KIAA0319: variants seen among roughly 807,000 people sequenced by gnomAD.
The protein encoded by KIAA0319 is dyslexia-associated protein KIAA0319.
In KIAA0319, 83 loss-of-function variants were observed where a neutral mutation model predicts 108.4. The observed-to-expected ratio is 0.77, with a 90% CI of 0.64 to 0.92. The LOEUF (loss-of-function observed/expected upper bound fraction) is 0.92. Ranked by LOEUF, KIAA0319 falls within the 40% of genes least tolerant of loss-of-function variation. The pLI, the probability that KIAA0319 is intolerant of heterozygous loss-of-function variation, is 0.00. For missense variants in KIAA0319, 1,195 were observed against 1,322.4 expected (o/e 0.90, Z 1.49); for synonymous variants, 484 against 510.4 (o/e 0.95, Z 0.70).
intron 11 of KIAA0319, among the ~76,000 whole-genome samples, chr6:24,570,531 T>G (rs1479844438): frequency 1.3e-5 from 2 of 149,536 alleles, no homozygotes; most frequent in Non-Finnish European, 3.0e-5. Flanking sequence ...GAGCTTGCAG[T>G]GAGCCAAGAT....
chr6:24,624,043 T>TTTAA (rs1562091062), intron 1 of KIAA0319, among the ~76,000 whole-genome samples: 1 of 144,470 alleles, frequency 6.9e-6, no homozygotes, highest in African/African-American at 2.6e-5. Context: ...TTTTTTTTTT[T>TTTAA]AGACAAGGTC....
In KIAA0319 at chr6:24,583,640, C is replaced by T. The variant is rs1381994528; in HGVS notation, c.1057G>A (p.Glu353Lys). 6.2e-7 allele frequency: 1 copy of T among 1,613,904 alleles called. No homozygotes were observed. The highest frequency in any genetic ancestry group is 8.5e-7 in the Non-Finnish European group (1 of 1,179,878). Residue 353 changes from glutamate (E) to lysine (K), a missense_variant, in exon 5 of 21, where the codon GAA becomes AAA. Transcript: ENST00000378214. Reference protein sequence around the residue: ...LIITLPDNEVELKAFVAPAPP... With the variant: ...LIITLPDNEVKLKAFVAPAPP... ...GCTGGCGCAACAAAGGCCTTCAGTT[C>T]AACTTCATTGTCGGGTAAAGTTATA...
chr6:24,636,047 G>A (rs1333979290), intron 1 of KIAA0319, among the ~76,000 whole-genome samples: 1 of 152,202 alleles, frequency 6.6e-6, no homozygotes, highest in Non-Finnish European at 1.5e-5. Flanking sequence ...ACAAAGGGAA[G>A]AAAGATTGCC....
intron 4 of KIAA0319, among the ~76,000 whole-genome samples, chr6:24,584,544 C>G (rs572200271): frequency 6.1e-4 from 92 of 151,876 alleles, no homozygotes; most frequent in African/African-American, 2.1e-3. Context: ...CTCAGTCCCT[C>G]GAGTGCCTCC....
intron 1 of KIAA0319, among the ~76,000 whole-genome samples, chr6:24,641,340 G>T (rs1287608628): frequency 6.6e-6 from 1 of 152,214 alleles, no homozygotes; most frequent in South Asian, 2.1e-4. Flanking sequence ...ATAACCAGGG[G>T]AGTAATGTGT....
intron 1 of KIAA0319, among the ~76,000 whole-genome samples, chr6:24,635,688 G>A (rs1485304000): frequency 6.6e-6 from 1 of 152,154 alleles, no homozygotes; most frequent in Non-Finnish European, 1.5e-5. Flanking sequence ...AATAAATGGG[G>A]ACATCAGTCC....
At chr6:24,586,490 C>T (rs1254881409) in intron 4 of KIAA0319, among the ~76,000 whole-genome samples, 2 of 152,174 alleles carry the variant, frequency 1.3e-5, no homozygotes, top group African/African-American at 4.8e-5. Flanking sequence ...GATCCACATC[C>T]ATAGAGAAGG....
intron 2 of KIAA0319, among the ~76,000 whole-genome samples, chr6:24,596,871 C>T (rs1163215138): frequency 6.6e-6 from 1 of 152,064 alleles, no homozygotes; most frequent in Non-Finnish European, 1.5e-5. Flanking sequence ...GTCTTTCCTC[C>T]TATCTTTCCA....
intron 2 of KIAA0319, chr6:24,598,031 A>G (rs1769995709): frequency 7.0e-6 from 2 of 283,726 alleles, no homozygotes; most frequent in East Asian, 8.3e-5. Flanking sequence ...AAGGTGACCC[A>G]TAAGTCCTAC....
chr6:24,594,288 A>G (rs1470814551), intron 3 of KIAA0319, among the ~76,000 whole-genome samples: 1 of 150,918 alleles, frequency 6.6e-6, no homozygotes, highest in East Asian at 2.0e-4. Flanking sequence ...GGAAAAATAT[A>G]GACACTTCAA....
intron 6 of KIAA0319, among the ~76,000 whole-genome samples, chr6:24,581,725 CA>C (rs1766569181): frequency 6.6e-6 from 1 of 152,180 alleles, no homozygotes; most frequent in Non-Finnish European, 1.5e-5. Flanking sequence ...CTCTTTTCCC[CA>C]AACTGAGATA....
intron 1 of KIAA0319, among the ~76,000 whole-genome samples, chr6:24,618,449 A>T (rs1480046599): frequency 2.0e-5 from 3 of 151,990 alleles, no homozygotes; most frequent in Non-Finnish European, 4.4e-5. Flanking sequence ...TCTCTATTAA[A>T]ACTTAAAAAA....
chr6:24,571,679 A>C (rs999585396), intron 11 of KIAA0319, among the ~76,000 whole-genome samples: 1 of 152,068 alleles, frequency 6.6e-6, no homozygotes, highest in Non-Finnish European at 1.5e-5. Context: ...AAATCTTCGA[A>C]TGTACCAGAC....
At chr6:24,562,846 A>AAAAAT (rs1461389300) in intron 16 of KIAA0319, among the ~76,000 whole-genome samples, 1 of 152,220 alleles carries the variant, frequency 6.6e-6, no homozygotes, top group Non-Finnish European at 1.5e-5. Flanking sequence ...CTCAAAAAAT[A>AAAAAT]AAAATAAAAT....
chr6:24,563,363 G>A lies in KIAA0319; in HGVS notation c.2587C>T (p.Leu863Phe). ...CCTTGAGTGTGCAGCTCCTACCTGAGATCCGAGTGGGCCCGAATCTTCTGG... is the reference window on the plus strand; with the variant it reads ...CCTTGAGTGTGCAGCTCCTACCTGAAATCCGAGTGGGCCCGAATCTTCTGG... Reference protein sequence around the residue: ...KVQKIRAHSDLSTVIVFYVQS... With the variant: ...KVQKIRAHSDFSTVIVFYVQS... The change falls in exon 16 of 21, where the codon CTC (leucine) becomes TTC (phenylalanine). Residue 863 changes from leucine to phenylalanine, a missense_variant. Coordinates refer to ENST00000378214, the MANE Select transcript of KIAA0319 (RefSeq NM_014809.4). 6.2e-7 allele frequency: 1 copy of A among 1,612,116 alleles called. No individual in the cohort carries two copies. The highest frequency in any genetic ancestry group is 8.5e-7 in the Non-Finnish European group (1 of 1,179,024).
chr6:24,563,099 C>A (rs1287060713), intron 16 of KIAA0319, among the ~76,000 whole-genome samples: 1 of 152,206 alleles, frequency 6.6e-6, no homozygotes, highest in Non-Finnish European at 1.5e-5. Flanking sequence ...GAGCTAACAA[C>A]CGTCTCCCCT....
chr6:24,628,736 T>C (rs1775074662), intron 1 of KIAA0319, among the ~76,000 whole-genome samples: 1 of 152,162 alleles, frequency 6.6e-6, no homozygotes, highest in African/African-American at 2.4e-5. Flanking sequence ...TGTCCCTTCC[T>C]AGCTTCTGAT....
intron 3 of KIAA0319, 21 bp downstream of exon 3, chr6:24,595,852 G>A: frequency 1.3e-6 from 2 of 1,566,584 alleles, no homozygotes; most frequent in Non-Finnish European, 1.7e-6. Context: ...CCACCCCCAA[G>A]CACATCCTGA....
chr6:24,646,064 G>C lies in KIAA0319; in HGVS notation c.-434C>G, dbSNP rs776956033. The C allele has an allele frequency of 6.5e-6, 1 of 152,710 alleles. No individual in the cohort carries two copies. The highest frequency in any genetic ancestry group is 1.5e-5 in the Non-Finnish European group (1 of 68,494). 9.5% of individuals were successfully genotyped at this position (152,710 alleles called of 1,614,324 possible). A position where few individuals can be genotyped will look rare whatever the true frequency, so the allele number is the denominator to read the frequency against. On this transcript the variant is annotated 5_prime_UTR_variant, in exon 1 of 21. Transcript: ENST00000378214. ...GGCAGTGACAGCGAGCGCCGCCGCC[G>C]CTCTGCGCGGGGCCAGCCAGGCCCG...
Sources: allele counts gnomAD v4.1 joint callset (sites outside exome capture counted in the v4.1 genomes callset), GRCh38; gene constraint gnomAD v4.1.1; transcripts MANE v1.5; gene names NCBI Gene and HGNC (gene_info 2026-07-23, HGNC 2026-07-21).